Variants in CDC123 observed in about 807,000 individuals in gnomAD.
CDC123 encodes cell division cycle 123, also known as translation initiation factor eIF2 assembly protein.
In CDC123, 37 loss-of-function variants were observed where a neutral mutation model predicts 54.4. The ratio of observed to expected loss-of-function variants is 0.68; its 90% CI spans 0.52 to 0.89. The LOEUF (loss-of-function observed/expected upper bound fraction) is 0.89. CDC123 is among the 40% of genes least tolerant of loss of function. The pLI, the probability that CDC123 is intolerant of heterozygous loss-of-function variation, is 0.00. For synonymous variants in CDC123, 144 were observed against 136.8 expected, an observed-to-expected ratio of 1.05 and a Z score of -0.37; for missense variants, 361 against 412.1, an observed-to-expected ratio of 0.88 and a Z score of 1.07.
chr10:12,243,964 G>A (rs1312787707), intron 10 of CDC123, among the ~76,000 whole-genome samples: 1 of 152,162 alleles, frequency 6.6e-6, no homozygotes, highest in African/African-American at 2.4e-5. Flanking sequence ...GAAGAAGTGG[G>A]TGCCAAATGG....
chr10:12,248,419 G>C (rs988773520), intron 11 of CDC123, among the ~76,000 whole-genome samples: 1 of 151,650 alleles, frequency 6.6e-6, no homozygotes, highest in Non-Finnish European at 1.5e-5. Context: ...TGAGGCAGGA[G>C]AATTGCTTGA....
Position 12,196,245 on chromosome 10 carries a change from G to T in CDC123, c.-1G>T, listed in dbSNP as rs900409546. On this transcript the variant is annotated 5_prime_UTR_variant, in exon 1 of 13. Coordinates refer to ENST00000281141, the MANE Select transcript of CDC123 (RefSeq NM_006023.3). Reference sequence around the variant, plus strand: ...AAGGCAGCAGCGGCGGCAGCTGGAGGATGAAGAAGGAGCATGTGCTTCACT... The same window carrying T: ...AAGGCAGCAGCGGCGGCAGCTGGAGTATGAAGAAGGAGCATGTGCTTCACT... The T allele has an allele frequency of 6.2e-7, 1 of 1,613,852 alleles. No homozygotes were observed. Among genetic ancestry groups the T allele is most frequent in the Non-Finnish European group, 8.5e-7 (1 of 1,179,928 alleles).
At chr10:12,217,008 G>A (rs1273678529) in intron 5 of CDC123, among the ~76,000 whole-genome samples, 1 of 152,188 alleles carries the variant, frequency 6.6e-6, no homozygotes, top group African/African-American at 2.4e-5. Flanking sequence ...TTGGAGAGTA[G>A]CTGGTCAGGC....
Position 12,246,176 on chromosome 10 carries a change from C to G in CDC123, c.745C>G (p.Pro249Ala). Residue 249 changes from proline to alanine, a missense_variant, in exon 11 of 13, where the codon CCA becomes GCA. Transcript: ENST00000281141. ...GAAGGTGTGGCTCATTGACTTTAAT[C>G]CATTTGGTGAAGTCACAGATTCACT... ...RGKVWLIDFN[P>A]FGEVTDSLLF... The G allele has an allele frequency of 6.2e-7, 1 of 1,613,868 alleles. No individual in the cohort carries two copies. Among genetic ancestry groups the G allele is most frequent in the Non-Finnish European group, 8.5e-7 (1 of 1,179,806 alleles).
At position 12,250,232 on chromosome 10, in the gene CDC123, C is replaced by T. The variant is rs538803674; in HGVS notation, c.985-79C>T. ...TTTTAATTACATCCTTTGCCAAGAC[C>T]TCTAGAAAATTACACCTGCTGAGCA... On this transcript the variant is annotated intron_variant, in intron 12 of 12. Transcript: ENST00000281141. 6.4e-5 allele frequency: 53 copies of T among 832,902 alleles called. No homozygotes were observed. In the East Asian group the frequency reaches 1.4e-3, roughly 23 times the overall value. The allele number at this position is 832,902 out of a possible 1,614,324, so 51.6% of individuals were successfully genotyped here.
At chr10:12,222,062 C>T (rs1002037533) in intron 6 of CDC123, among the ~76,000 whole-genome samples, 1 of 152,198 alleles carries the variant, frequency 6.6e-6, no homozygotes, top group Non-Finnish European at 1.5e-5. Context: ...AATGTGGATC[C>T]GCTGGTCCAG....
At chr10:12,215,867 T>G in intron 5 of CDC123, 32 bp downstream of exon 5, 1 of 1,380,920 alleles carries the variant, frequency 7.2e-7, no homozygotes, top group South Asian at 1.3e-5. Flanking sequence ...TCTTACTGTT[T>G]GAATATTCTT....
intron 10 of CDC123, among the ~76,000 whole-genome samples, chr10:12,244,468 T>G (rs1295320571): frequency 4.6e-5 from 7 of 152,150 alleles, no homozygotes; most frequent in Non-Finnish European, 1.0e-4. Context: ...CCCCGCTCTG[T>G]GCGTGTCAGC....
At chr10:12,219,475 A>G (rs1362831098) in intron 6 of CDC123, among the ~76,000 whole-genome samples, 2 of 152,056 alleles carry the variant, frequency 1.3e-5, no homozygotes, top group East Asian at 1.9e-4. Context: ...TTGTTTTGAC[A>G]TTTAATTGTC....
intron 7 of CDC123, among the ~76,000 whole-genome samples, chr10:12,234,835 C>T (rs541542332): frequency 1.3e-5 from 2 of 150,258 alleles, no homozygotes; most frequent in East Asian, 3.9e-4. Context: ...CTCTCTGCAA[C>T]CTCCACCTCC....
chr10:12,205,506 A>G (rs113870046), intron 2 of CDC123, among the ~76,000 whole-genome samples: 15 of 152,230 alleles, frequency 9.9e-5, no homozygotes, highest in South Asian at 2.1e-4. Context: ...GTAGATGCCA[A>G]TTATAAAATA....
chr10:12,243,808 G>C (rs1219857010), intron 10 of CDC123, among the ~76,000 whole-genome samples: 2 of 151,520 alleles, frequency 1.3e-5, no homozygotes, highest in Non-Finnish European at 2.9e-5. Context: ...AGAAAGTCAA[G>C]TAGAAAAGAT....
At chr10:12,231,388 C>T (rs992365953) in intron 7 of CDC123, among the ~76,000 whole-genome samples, 6 of 151,942 alleles carry the variant, frequency 3.9e-5, no homozygotes, top group Non-Finnish European at 7.4e-5. Context: ...TTTGAGAGGC[C>T]GAGGTGGGTG....
At chr10:12,250,066 T>TA in intron 12 of CDC123, 1 of 480,216 alleles carries the variant, frequency 2.1e-6, no homozygotes, top group African/African-American at 2.0e-5. Flanking sequence ...AATATTTATA[T>TA]TTTTGTGTGG....
At chr10:12,232,805 A>G (rs1835919136) in intron 7 of CDC123, among the ~76,000 whole-genome samples, 1 of 149,690 alleles carries the variant, frequency 6.7e-6, no homozygotes, top group South Asian at 2.1e-4. Context: ...TTTTTCTGAG[A>G]CAGAGTCTTG....
At chr10:12,204,596 C>T (rs948500129) in intron 2 of CDC123, among the ~76,000 whole-genome samples, 1 of 152,040 alleles carries the variant, frequency 6.6e-6, no homozygotes. Context: ...GGTGTCCATC[C>T]CCTCAAGCAT....
chr10:12,220,932 G>T (rs556023234), intron 6 of CDC123, among the ~76,000 whole-genome samples: 4 of 151,494 alleles, frequency 2.6e-5, no homozygotes, highest in Non-Finnish European at 4.4e-5. Context: ...AGCTGAGATC[G>T]CGCCACTGCA....
At chr10:12,233,490 T>G (rs76326696) in intron 7 of CDC123, among the ~76,000 whole-genome samples, 3,062 of 152,288 alleles carry the variant, frequency 0.02, 109 homozygotes, top group African/African-American at 0.07. Context: ...ATGTATTACA[T>G]GCACAAAATA....
At chr10:12,221,329 C>G (rs530360397) in intron 6 of CDC123, among the ~76,000 whole-genome samples, 1 of 152,082 alleles carries the variant, frequency 6.6e-6, no homozygotes, top group African/African-American at 2.4e-5. Flanking sequence ...CTTAGTGGCT[C>G]GGTCTTTGGG....
Sources: gnomAD v4.1 joint callset for allele counts (sites outside exome capture counted in the v4.1 genomes callset) on GRCh38, gnomAD v4.1.1 for gene constraint, MANE v1.5 for transcripts, NCBI Gene and HGNC (gene_info 2026-07-23, HGNC 2026-07-21) for gene names.